Variants in SLC16A7 observed in about 807,000 individuals in gnomAD.
The protein encoded by SLC16A7 is solute carrier family 16 member 7, also known as monocarboxylate transporter 2.
A neutral mutation model predicts 34.9 loss-of-function variants in SLC16A7; 33 were observed. The observed-to-expected ratio is 0.94, with a 90% CI of 0.72 to 1.26. The LOEUF (loss-of-function observed/expected upper bound fraction) is 1.26. Among genes scored for constraint, SLC16A7 ranks in the 50% most tolerant of loss-of-function variants. SLC16A7 has a pLI of 0.00. For synonymous variants in SLC16A7, 201 were observed against 206.6 expected (o/e 0.97, Z 0.23); for missense variants, 573 against 578.1 (o/e 0.99, Z 0.09).
intron 3 of SLC16A7, among the ~76,000 whole-genome samples, chr12:59,755,995 A>G (rs1432704936): frequency 2.0e-5 from 3 of 152,180 alleles, no homozygotes; most frequent in Non-Finnish European, 4.4e-5. Context: ...TGACAAAAAC[A>G]AGCAATGGGG....
intron 3 of SLC16A7, among the ~76,000 whole-genome samples, chr12:59,747,013 G>A (rs1425122016): frequency 1.3e-5 from 2 of 151,990 alleles, no homozygotes; most frequent in African/African-American, 4.8e-5. Flanking sequence ...TTTTATTTTA[G>A]TAGTGACAGT....
intron 2 of SLC16A7, among the ~76,000 whole-genome samples, chr12:59,663,650 T>G (rs373995448): frequency 6.6e-5 from 10 of 152,262 alleles, no homozygotes; most frequent in African/African-American, 2.4e-4. Context: ...AAATCCATAG[T>G]ATAATTTTTT....
chr12:59,767,836 C>A (rs111404205), intron 3 of SLC16A7, among the ~76,000 whole-genome samples: 2 of 151,394 alleles, frequency 1.3e-5, no homozygotes, highest in Admixed American at 6.6e-5. Context: ...AGCAAACTAT[C>A]GCAAGGACAA....
intron 1 of SLC16A7, among the ~76,000 whole-genome samples, chr12:59,631,817 G>A (rs933384010): frequency 6.6e-6 from 1 of 151,944 alleles, no homozygotes; most frequent in East Asian, 1.9e-4. Flanking sequence ...AGCCCTACTT[G>A]TTTAAAGCAC....
chr12:59,641,183 C>T (rs981534008), intron 1 of SLC16A7, among the ~76,000 whole-genome samples: 1 of 152,030 alleles, frequency 6.6e-6, no homozygotes, highest in Non-Finnish European at 1.5e-5. Context: ...ACTAACTCTT[C>T]CATCCCAGAG....
intron 2 of SLC16A7, among the ~76,000 whole-genome samples, chr12:59,690,620 C>G (rs1488801633): frequency 6.6e-6 from 1 of 151,996 alleles, no homozygotes; most frequent in Non-Finnish European, 1.5e-5. Flanking sequence ...TCCATGCCTT[C>G]TCTTTTGGTA....
At chr12:59,679,603 T>C (rs1163134958) in intron 2 of SLC16A7, among the ~76,000 whole-genome samples, 3 of 152,328 alleles carry the variant, frequency 2.0e-5, no homozygotes, top group African/African-American at 7.2e-5. Context: ...TCTCATGATG[T>C]TTATCATATG....
chr12:59,785,566 T>A lies in SLC16A7; in HGVS notation c.*5887T>A, dbSNP rs1883557324. 6.6e-6 allele frequency: 1 copy of A among 152,134 alleles called. No individual in the cohort carries two copies. The highest frequency in any genetic ancestry group is 2.4e-5 in the African/African-American group (1 of 41,440). 9.4% of individuals were successfully genotyped at this position (152,134 alleles called of 1,614,324 possible). A position where few individuals can be genotyped will look rare whatever the true frequency, so the allele number is the denominator to read the frequency against. ...GTTTTTATAATATCTAGGTAAAACT[T>A]GTTTAGCATTTTTTATTTAATTATG... is the stretch of plus-strand genomic sequence containing the variant. On this transcript the variant is annotated 3_prime_UTR_variant, in exon 6 of 6. Coordinates refer to ENST00000547379, the MANE Select transcript of SLC16A7 (RefSeq NM_001270623.2).
At chr12:59,599,390 A>G (rs1406843627) in intron 1 of SLC16A7, among the ~76,000 whole-genome samples, 1 of 152,234 alleles carries the variant, frequency 6.6e-6, no homozygotes, top group East Asian at 1.9e-4. Context: ...TATGATGCTC[A>G]TTTATGCAGA....
intron 1 of SLC16A7, among the ~76,000 whole-genome samples, chr12:59,600,355 A>G (rs529818726): frequency 6.6e-6 from 1 of 152,356 alleles, no homozygotes; most frequent in South Asian, 2.1e-4. Flanking sequence ...ACTCCCTTTG[A>G]GAAGTCATCC....
At chr12:59,648,619 A>C (rs1565630791) in intron 1 of SLC16A7, among the ~76,000 whole-genome samples, 1 of 152,188 alleles carries the variant, frequency 6.6e-6, no homozygotes, top group Non-Finnish European at 1.5e-5. Context: ...CAGAGAAAAA[A>C]AGTGAGGCTA....
At chr12:59,622,738 A>G (rs565884725) in intron 1 of SLC16A7, among the ~76,000 whole-genome samples, 31 of 151,804 alleles carry the variant, frequency 2.0e-4, no homozygotes, top group Non-Finnish European at 4.1e-4. Flanking sequence ...ATATTTGACA[A>G]TATCCAAAAC....
At chr12:59,734,820 A>G (rs1369725810) in intron 3 of SLC16A7, among the ~76,000 whole-genome samples, 1 of 152,274 alleles carries the variant, frequency 6.6e-6, no homozygotes. Flanking sequence ...AATTCAAAAA[A>G]ATATAAATAA....
intron 3 of SLC16A7, among the ~76,000 whole-genome samples, chr12:59,762,609 C>G (rs923975571): frequency 6.6e-6 from 1 of 151,932 alleles, no homozygotes; most frequent in African/African-American, 2.4e-5. Context: ...TGCATAAGAA[C>G]AGAAACAGTA....
At chr12:59,753,491 G>A (rs1325364025) in intron 3 of SLC16A7, among the ~76,000 whole-genome samples, 1 of 152,070 alleles carries the variant, frequency 6.6e-6, no homozygotes, top group African/African-American at 2.4e-5. Flanking sequence ...AACCAACAAA[G>A]ATCAAAAGAG....
chr12:59,671,658 T>C (rs1056972409), intron 2 of SLC16A7, among the ~76,000 whole-genome samples: 7 of 139,618 alleles, frequency 5.0e-5, no homozygotes, highest in Admixed American at 2.2e-4. Flanking sequence ...ACAGTGCTCT[T>C]TCTCTCTCTC....
Position 59,630,496 on chromosome 12 carries a change from C to A in SLC16A7, c.-129-24656C>A, listed in dbSNP as rs1339063944. 2.6e-5 allele frequency among the ~76,000 whole-genome samples: 4 copies of A among 151,772 alleles called. No homozygotes were observed. In the East Asian group the frequency reaches 7.8e-4, roughly 30 times the overall value. ...GAAATATCTTTCATCAGGGTTGTTACAAGTATTGAATGAAACACATACAGA... is the reference window on the plus strand; with the variant it reads ...GAAATATCTTTCATCAGGGTTGTTAAAAGTATTGAATGAAACACATACAGA... On this transcript the variant is annotated intron_variant, in intron 1 of 5. Transcript: ENST00000547379.
rs756952954 is a variant in SLC16A7, at chr12:59,775,259, A to G, written c.964A>G (p.Met322Val). 3.7e-6 allele frequency: 6 copies of G among 1,614,152 alleles called. No homozygotes were observed. The South Asian group carries it at 6.6e-5, about 18-fold the overall frequency. The change falls in exon 5 of 6, where the codon ATG becomes GTG. Residue 322 changes from methionine to valine, a missense_variant. By Grantham distance (21) the Met-to-Val change is conservative (BLOSUM62 1). Coordinates refer to ENST00000547379, the MANE Select transcript of SLC16A7 (RefSeq NM_001270623.2). ...TCAGTACTTCTTCAGTTTTGCAATCATGTTCAATGGAGTGTGTCACCTCTT... is the reference window on the plus strand; with the variant it reads ...TCAGTACTTCTTCAGTTTTGCAATCGTGTTCAATGGAGTGTGTCACCTCTT... The part of the protein sequence containing the change: ...RIQYFFSFAI[M>V]FNGVCHLLCP...
intron 1 of SLC16A7, among the ~76,000 whole-genome samples, chr12:59,652,970 T>C (rs1868370745): frequency 6.6e-6 from 1 of 151,896 alleles, no homozygotes; most frequent in Non-Finnish European, 1.5e-5. Context: ...TTTTACTTCA[T>C]TTTAGCTACC....
Sources: gnomAD v4.1 joint callset for allele counts (sites outside exome capture counted in the v4.1 genomes callset) on GRCh38, gnomAD v4.1.1 for gene constraint, MANE v1.5 for transcripts, NCBI Gene and HGNC (gene_info 2026-07-23, HGNC 2026-07-21) for gene names.